HERC5: variants seen among roughly 807,000 people sequenced by gnomAD.
HERC5 encodes the protein HECT and RLD domain containing E3 ubiquitin protein ligase 5.
A neutral mutation model predicts 119.6 loss-of-function variants in HERC5; 99 were observed. The observed-to-expected ratio is 0.83, with a 90% CI of 0.70 to 0.98. The LOEUF (loss-of-function observed/expected upper bound fraction) is 0.98. Ranked by LOEUF, HERC5 falls within the 50% of genes least tolerant of loss-of-function variation. The pLI, the probability that HERC5 is intolerant of heterozygous loss-of-function variation, is 0.00. For missense variants in HERC5, 1,267 were observed against 1,241.3 expected (o/e 1.02, Z -0.31); for synonymous variants, 478 against 445.9 (o/e 1.07, Z -0.91).
At chr4:88,484,860 G>T (rs1480262136) in intron 13 of HERC5, among the ~76,000 whole-genome samples, 1 of 152,084 alleles carries the variant, frequency 6.6e-6, no homozygotes, top group Non-Finnish European at 1.5e-5. Context: ...TTAAGTTTTT[G>T]ACCTGATTAT....
In HERC5 at chr4:88,460,079, T is replaced by A; in HGVS notation, c.390-16T>A. 1 of 1,362,024 alleles carries A rather than the reference T, an allele frequency of 7.3e-7. No homozygotes were observed. Among genetic ancestry groups the A allele is most frequent in the Non-Finnish European group, 1.0e-6 (1 of 954,180 alleles). 84.4% of individuals were successfully genotyped at this position (1,362,024 alleles called of 1,614,324 possible). ...TCATTATGGTGATTAACACAAAGTGTATTTTCCTTCATCAGGTTTGAAAGC... is the reference window on the plus strand; with the variant it reads ...TCATTATGGTGATTAACACAAAGTGAATTTTCCTTCATCAGGTTTGAAAGC... On this transcript the variant is annotated splice_polypyrimidine_tract_variant and intron_variant, in intron 2 of 22. Transcript: ENST00000264350.
chr4:88,462,512 G>T (rs1224082094), intron 4 of HERC5, among the ~76,000 whole-genome samples, 156 bp downstream of exon 4: 2 of 152,182 alleles, frequency 1.3e-5, no homozygotes, highest in Non-Finnish European at 2.9e-5. Flanking sequence ...AGTCCAAGAG[G>T]CATACATAGT....
In HERC5 at chr4:88,505,953, CTTTGT is replaced by C; in HGVS notation, c.*84_*88del. 5.5e-6 allele frequency: 7 copies of C among 1,262,074 alleles called. No individual in the cohort carries two copies. The highest frequency in any genetic ancestry group is 2.2e-5 in the Admixed American group (1 of 44,880). 78.2% of individuals were successfully genotyped at this position (1,262,074 alleles called of 1,614,324 possible). A position where few individuals can be genotyped will look rare whatever the true frequency, so the allele number is the denominator to read the frequency against. On this transcript the variant is annotated 3_prime_UTR_variant, in exon 23 of 23. Transcript: ENST00000264350. Reference sequence around the variant, plus strand: ...TGTTGTTGTTGTTGTTGTTTCTCTACTTTGTTTTGTTTTAGGCTTTTAGCAGCCTG... The same window carrying C: ...TGTTGTTGTTGTTGTTGTTTCTCTACTTTGTTTTAGGCTTTTAGCAGCCTG...
At chr4:88,487,662 G>C (rs1381310417) in intron 15 of HERC5, among the ~76,000 whole-genome samples, 1 of 152,150 alleles carries the variant, frequency 6.6e-6, no homozygotes, top group Non-Finnish European at 1.5e-5. Flanking sequence ...GGTTTGTACA[G>C]ATTCCTCCCT....
rs1284820987 is a variant in HERC5 at position 88,463,585 on chromosome 4, G to T, written c.742G>T (p.Val248Phe). 5 of 1,613,800 alleles carry T rather than the reference G, an allele frequency of 3.1e-6. No homozygotes were observed. In the Admixed American group the frequency reaches 6.7e-5, roughly 22 times the overall value. The change falls in exon 5 of 23, where the codon GTC (valine) becomes TTC (phenylalanine). Residue 248 changes from valine (V) to phenylalanine (F), a missense_variant. Val to Phe is a conservative substitution (Grantham distance 50, BLOSUM62 -1). Around this residue, in one of 3 missense-constraint regions of HERC5, gnomAD observed 777 missense variants for 758.0 expected, o/e 1.03. Transcript: ENST00000264350. ...ACTAGACAATCAGAAAGTTGAATTT[G>T]TCGCTTGTGGTGGCTCTCACAGTGC... Reference protein sequence around the residue: ...EGLDNQKVEFVACGGSHSALL... With the variant: ...EGLDNQKVEFFACGGSHSALL...
At position 88,470,622 on chromosome 4, in the gene HERC5, A is replaced by G. The variant is rs2149092406; in HGVS notation, c.1247A>G (p.Gln416Arg). 1.3e-6 allele frequency: 2 copies of G among 1,511,652 alleles called. No individual in the cohort carries two copies. The highest frequency in any genetic ancestry group is 2.8e-5 in the African/African-American group (2 of 72,712). 93.6% of individuals were successfully genotyped at this position (1,511,652 alleles called of 1,614,324 possible). The change falls in exon 10 of 23, where the codon CAA becomes CGA. Residue 416 changes from glutamine to arginine, a missense_variant. Physicochemically the swap from Gln to Arg is conservative, Grantham distance 43 (BLOSUM62 1). This residue lies in a region of HERC5 where 777 missense variants were observed against 758.0 expected (regional missense o/e 1.03). Coordinates refer to ENST00000264350, the MANE Select transcript of HERC5 (RefSeq NM_016323.4). The part of the protein sequence containing the change: ...KRWQSTKREI[Q>R]EIFSSPACLT... ...TCTTATTACTAATATAGGGAAATCCAAGAGATATTTTCATCTCCTGCTTGT... is the reference window on the plus strand; with the variant it reads ...TCTTATTACTAATATAGGGAAATCCGAGAGATATTTTCATCTCCTGCTTGT...
intron 20 of HERC5, among the ~76,000 whole-genome samples, chr4:88,502,009 AG>A (rs1341595044): frequency 1.3e-5 from 2 of 152,184 alleles, no homozygotes; most frequent in Non-Finnish European, 2.9e-5. Context: ...CGTGTTAGCC[AG>A]GATGGTCTCC....
intron 1 of HERC5, 93 bp downstream of exon 1, chr4:88,457,627 G>C: frequency 8.4e-7 from 1 of 1,189,274 alleles, no homozygotes; most frequent in Non-Finnish European, 1.1e-6. Context: ...CGCGCCTGAG[G>C]GAGGAGAGCC....
intron 6 of HERC5, among the ~76,000 whole-genome samples, chr4:88,465,231 T>A (rs1310054707): frequency 6.6e-6 from 1 of 152,168 alleles, no homozygotes; most frequent in Admixed American, 6.5e-5. Flanking sequence ...TTTTTGATTA[T>A]CAGATATATC....
chr4:88,473,191 T>C (rs1440878674), intron 11 of HERC5: 2 of 152,114 alleles, frequency 1.3e-5, no homozygotes, highest in Non-Finnish European at 2.9e-5. Context: ...GTTTTTATTA[T>C]TTCCCTATTT....
chr4:88,493,029 A>G lies in HERC5; in HGVS notation c.2151A>G (p.Glu717=), dbSNP rs747750106. Reference sequence around the variant, plus strand: ...TTCCTCAGGTTTCATTTAGTGGAGAAATTGGGTATGACCTCGGAGGAGTCA... The same window carrying G: ...TTCCTCAGGTTTCATTTAGTGGAGAGATTGGGTATGACCTCGGAGGAGTCA... ...RKELWVSFSG[E]IGYDLGGVKK... The change falls in exon 17 of 23, where the codon GAA becomes GAG. Residue 717 remains glutamate, a synonymous_variant. Coordinates refer to ENST00000264350, the MANE Select transcript of HERC5 (RefSeq NM_016323.4). 3 of 1,613,838 alleles carry G rather than the reference A, an allele frequency of 1.9e-6. No individual in the cohort carries two copies. In the South Asian group the frequency reaches 3.3e-5, roughly 18 times the overall value.
At chr4:88,461,779 G>A (rs1740451614) in intron 3 of HERC5, among the ~76,000 whole-genome samples, 1 of 152,186 alleles carries the variant, frequency 6.6e-6, no homozygotes. Flanking sequence ...GAAAACAGTA[G>A]CGCTGGGGTT....
rs1742095035 is a variant in HERC5, at chr4:88,506,020, C to G, written c.*142C>G. The G allele has an allele frequency of 1.5e-6, 1 of 669,370 alleles. No homozygotes were observed. The highest frequency in any genetic ancestry group is 1.8e-5 in the African/African-American group (1 of 54,864). The allele number at this position is 669,370 out of a possible 1,614,324, so 41.5% of individuals were successfully genotyped here. ...TTTCATTTCTGTCTCTAGTGATAAG[C>G]AGGAAAGAGGGATGAAGAAGAGGGT... On this transcript the variant is annotated 3_prime_UTR_variant, in exon 23 of 23. Transcript: ENST00000264350.
In HERC5 at chr4:88,494,236, T is replaced by C; in HGVS notation, c.2349T>C (p.Val783=). The change falls in exon 18 of 23, where the codon GTT becomes GTC. Residue 783 remains valine, a synonymous_variant. Transcript: ENST00000264350. The part of the protein sequence containing the change: ...LCGLSLFNCN[V]ANLPFPLALF... ...GACTTTCCCTGTTCAATTGCAATGT[T>C]GCCAACCTTCCTTTCCCACTGGCAC... 1 of 1,613,446 alleles carries C rather than the reference T, an allele frequency of 6.2e-7. No individual in the cohort carries two copies.
intron 12 of HERC5, among the ~76,000 whole-genome samples, chr4:88,479,122 T>C (rs1307120790): frequency 6.6e-6 from 1 of 151,430 alleles, no homozygotes; most frequent in Non-Finnish European, 1.5e-5. Context: ...CTTGTCTCTA[T>C]AAAAATACAA....
chr4:88,469,116 G>A (rs1479905454), intron 8 of HERC5, 41 bp from the exon 9 acceptor site: 2 of 1,393,264 alleles, frequency 1.4e-6, no homozygotes, highest in African/African-American at 1.4e-5. Context: ...TATCTCTGAT[G>A]TGTCTAAATT....
At chr4:88,464,191 T>TA (rs1437706147) in intron 6 of HERC5, among the ~76,000 whole-genome samples, 1 of 141,026 alleles carries the variant, frequency 7.1e-6, no homozygotes, top group Non-Finnish European at 1.5e-5. Context: ...TTTTTTTTTT[T>TA]AAATGAGCAG....
chr4:88,458,173 A>T, intron 1 of HERC5: 6 of 661,122 alleles, frequency 9.1e-6, no homozygotes, highest in Non-Finnish European at 1.1e-5. Context: ...TCTTATTTGT[A>T]TGGAAGAGGT....
At position 88,457,499 on chromosome 4, in the gene HERC5, A is replaced by T; in HGVS notation, c.230A>T (p.Gln77Leu). 1 of 1,313,096 alleles carries T rather than the reference A, an allele frequency of 7.6e-7. No homozygotes were observed. Among genetic ancestry groups the T allele is most frequent in the Non-Finnish European group, 9.7e-7 (1 of 1,031,764 alleles). 81.3% of individuals were successfully genotyped at this position (1,313,096 alleles called of 1,614,324 possible). A position where few individuals can be genotyped will look rare whatever the true frequency, so the allele number is the denominator to read the frequency against. Residue 77 changes from glutamine to leucine, a missense_variant, in exon 1 of 23, where the codon CAG becomes CTG. Around this residue, in one of 3 missense-constraint regions of HERC5, gnomAD observed 777 missense variants for 758.0 expected, o/e 1.03. Transcript: ENST00000264350. ...GGCGGGGCGGGCGTCCAGGTTCACC[A>T]GCTGCTCGCCGGGAGCGGCGGCGCC... Reference protein sequence around the residue: ...ERGGAGVQVHQLLAGSGGART... With the variant: ...ERGGAGVQVHLLLAGSGGART...
Sources: allele counts gnomAD v4.1 joint callset (sites outside exome capture counted in the v4.1 genomes callset), GRCh38; gene constraint gnomAD v4.1.1; regional missense constraint gnomAD v4.1.1; transcripts MANE v1.5; gene names NCBI Gene and HGNC (gene_info 2026-07-23, HGNC 2026-07-21).